RALY: variants seen among roughly 807,000 people sequenced by gnomAD.
The protein encoded by RALY is RALY heterogeneous nuclear ribonucleoprotein.
Under a neutral mutation model 30.7 loss-of-function variants are expected in RALY, and 15 were observed. That is an observed-to-expected ratio of 0.49 (90% CI 0.33 to 0.75). The LOEUF (loss-of-function observed/expected upper bound fraction) is 0.75, where lower values mean the gene tolerates loss of function less well. Ranked by LOEUF, RALY falls within the 30% of genes least tolerant of loss-of-function variation. The probability of loss-of-function intolerance (pLI) is 0.02; values close to 1 mark genes in which losing one functional copy is unlikely to be tolerated. For synonymous variants in RALY, 177 were observed against 170.8 expected (o/e 1.04, Z -0.28); for missense variants, 339 against 414.3 (o/e 0.82, Z 1.58).
At chr20:34,027,531 C>G (rs1328570721) in intron 1 of RALY, among the ~76,000 whole-genome samples, 12 of 152,198 alleles carry the variant, frequency 7.9e-5, no homozygotes, top group Admixed American at 7.9e-4. Flanking sequence ...TTCTTCACTT[C>G]CACAATACAT....
intron 1 of RALY, among the ~76,000 whole-genome samples, chr20:34,026,442 G>A (rs1041794536): frequency 1.3e-5 from 2 of 150,402 alleles, no homozygotes; most frequent in Non-Finnish European, 3.0e-5. Context: ...TCGCTCTGTC[G>A]CCCATGCTGG....
At chr20:34,046,382 T>A (rs905771093) in intron 2 of RALY, among the ~76,000 whole-genome samples, 2 of 152,214 alleles carry the variant, frequency 1.3e-5, no homozygotes, top group African/African-American at 4.8e-5. Context: ...TTTTCCTGTT[T>A]GTAAATGAGG....
intron 2 of RALY, among the ~76,000 whole-genome samples, chr20:34,070,945 A>G (rs368502598): frequency 6.6e-6 from 1 of 152,168 alleles, no homozygotes; most frequent in Non-Finnish European, 1.5e-5. Context: ...GAAATTTACA[A>G]TCATAGTGGA....
At chr20:34,062,795 A>C (rs1446965473) in intron 2 of RALY, among the ~76,000 whole-genome samples, 1 of 152,252 alleles carries the variant, frequency 6.6e-6, no homozygotes, top group Non-Finnish European at 1.5e-5. Flanking sequence ...GCTATAATCA[A>C]CCAACAGCAA....
At chr20:34,005,809 A>G (rs2031132378) in intron 1 of RALY, among the ~76,000 whole-genome samples, 1 of 152,150 alleles carries the variant, frequency 6.6e-6, no homozygotes. Flanking sequence ...GTCTTCACAG[A>G]TACGTCTTTG....
chr20:34,003,421 G>A (rs1171026198), intron 1 of RALY, among the ~76,000 whole-genome samples: 1 of 151,998 alleles, frequency 6.6e-6, no homozygotes, highest in Non-Finnish European at 1.5e-5. Context: ...CCTTAAGAGG[G>A]GAGATCGATC....
intron 2 of RALY, among the ~76,000 whole-genome samples, chr20:34,047,640 A>G (rs1263623318): frequency 6.6e-6 from 1 of 152,164 alleles, no homozygotes; most frequent in Non-Finnish European, 1.5e-5. Context: ...CTTCTCTGCC[A>G]TTTACTGTAA....
chr20:34,030,902 T>G (rs1005587590), intron 1 of RALY, among the ~76,000 whole-genome samples: 1 of 152,180 alleles, frequency 6.6e-6, no homozygotes, highest in East Asian at 1.9e-4. Flanking sequence ...TTCAAATCTC[T>G]CTGGATGTGA....
intron 1 of RALY, among the ~76,000 whole-genome samples, chr20:34,013,413 C>CAAAA (rs34859292): frequency 1.2e-5 from 1 of 84,836 alleles, no homozygotes; most frequent in Non-Finnish European, 2.7e-5. Flanking sequence ...GACCTTGTCT[C>CAAAA]AAAAAAAAAA....
chr20:34,028,117 C>T (rs1344292081), intron 1 of RALY, among the ~76,000 whole-genome samples: 3 of 152,106 alleles, frequency 2.0e-5, no homozygotes, highest in African/African-American at 7.2e-5. Flanking sequence ...GAAACTCCGT[C>T]TCCACTAAAA....
chr20:34,011,306 T>G (rs1189446015), intron 1 of RALY, among the ~76,000 whole-genome samples: 10 of 152,228 alleles, frequency 6.6e-5, no homozygotes, highest in Non-Finnish European at 1.5e-4. Context: ...AGGGTGGGTC[T>G]GGCATCGCCA....
intron 5 of RALY, among the ~76,000 whole-genome samples, chr20:34,074,497 C>T (rs1235546362): frequency 6.6e-6 from 1 of 152,176 alleles, no homozygotes; most frequent in Non-Finnish European, 1.5e-5. Context: ...TTAGCCCACC[C>T]CAGGCAGCCC....
chr20:34,060,731 A>G (rs1361096802), intron 2 of RALY, among the ~76,000 whole-genome samples: 1 of 152,164 alleles, frequency 6.6e-6, no homozygotes, highest in African/African-American at 2.4e-5. Context: ...CAAGCCATGT[A>G]TTTAACTCCT....
intron 1 of RALY, among the ~76,000 whole-genome samples, chr20:34,029,064 AG>A (rs927334284): frequency 6.6e-6 from 1 of 152,172 alleles, no homozygotes; most frequent in Non-Finnish European, 1.5e-5. Flanking sequence ...AACAGAGACC[AG>A]GGAAGAGACT....
intron 1 of RALY, among the ~76,000 whole-genome samples, chr20:34,020,161 TTAGA>T (rs916361105): frequency 2.4e-4 from 37 of 152,202 alleles, no homozygotes; most frequent in Non-Finnish European, 5.1e-4. Context: ...TCCCAGTAAA[TTAGA>T]TAGGCATGTG....
At chr20:34,065,651 G>A (rs1187692712) in intron 2 of RALY, among the ~76,000 whole-genome samples, 2 of 152,218 alleles carry the variant, frequency 1.3e-5, no homozygotes, top group Non-Finnish European at 2.9e-5. Flanking sequence ...GGAGCCTCTG[G>A]ACCAAGGAGG....
At position 34,075,955 on chromosome 20, in the gene RALY, T is replaced by A. The variant is rs759168900; in HGVS notation, c.459T>A (p.Pro153=). Residue 153 remains proline (P), a synonymous_variant, in exon 6 of 10, where the codon CCT becomes CCA. Coordinates refer to ENST00000246194, the MANE Select transcript of RALY (RefSeq NM_016732.3). ...VPVKRPRVTV[P]LVRRVKTNVP... The stretch of plus-strand genomic sequence containing the variant: ...TGAAGCGACCCCGGGTCACAGTCCC[T>A]TTGGTCCGGCGTGTCAAAACTAACG... 12 of 1,614,206 alleles carry A rather than the reference T, an allele frequency of 7.4e-6. No individual in the cohort carries two copies. Among genetic ancestry groups the A allele is most frequent in the Non-Finnish European group, 1.0e-5 (12 of 1,180,028 alleles).
intron 2 of RALY, chr20:34,033,024 G>T (rs2032343636): frequency 6.6e-6 from 1 of 152,226 alleles, no homozygotes; most frequent in Admixed American, 6.6e-5. Context: ...GGCTAAAAGT[G>T]ACCACAAGAA....
chr20:34,031,231 T>C (rs1438043271), intron 1 of RALY, among the ~76,000 whole-genome samples: 3 of 148,090 alleles, frequency 2.0e-5, no homozygotes, highest in African/African-American at 7.5e-5. Context: ...TTTTTTTTTT[T>C]TGTATTTTTA....
Sources: allele counts gnomAD v4.1 joint callset (sites outside exome capture counted in the v4.1 genomes callset), GRCh38; gene constraint gnomAD v4.1.1; transcripts MANE v1.5; gene names NCBI Gene and HGNC (gene_info 2026-07-23, HGNC 2026-07-21).